ARSB: variants seen among roughly 807,000 people sequenced by gnomAD.
ARSB encodes N-acetylgalactosamine-4-sulfatase.
A neutral mutation model predicts 50.9 loss-of-function variants in ARSB; 41 were observed. The observed-to-expected ratio is 0.81, with a 90% CI of 0.63 to 1.04. ARSB has a LOEUF of 1.04. Ranked by LOEUF, ARSB falls within the 50% of genes least tolerant of loss-of-function variation. The probability of loss-of-function intolerance (pLI) is 0.00; values close to 1 mark genes in which losing one functional copy is unlikely to be tolerated. For missense variants in ARSB, 672 were observed against 693.3 expected, an observed-to-expected ratio of 0.97 and a Z score of 0.35; for synonymous variants, 269 against 284.8, an observed-to-expected ratio of 0.94 and a Z score of 0.56.
intron 5 of ARSB, among the ~76,000 whole-genome samples, chr5:78,864,580 C>G (rs539348974): frequency 5.3e-5 from 8 of 152,278 alleles, no homozygotes; most frequent in Admixed American, 5.2e-4. Context: ...CCTCCCAAAT[C>G]TCATGTCCTC....
intron 4 of ARSB, among the ~76,000 whole-genome samples, chr5:78,889,580 A>C (rs1327872126): frequency 6.6e-6 from 1 of 152,232 alleles, no homozygotes; most frequent in Non-Finnish European, 1.5e-5. Flanking sequence ...AAGAAATGTC[A>C]AAGTAAGACA....
intron 4 of ARSB, among the ~76,000 whole-genome samples, chr5:78,886,576 G>C (rs1010381836): frequency 2.0e-5 from 3 of 152,144 alleles, no homozygotes; most frequent in Non-Finnish European, 4.4e-5. Flanking sequence ...GAAGCTACTA[G>C]AGTAACTGAA....
In ARSB at chr5:78,799,297, C is replaced by T. The variant is rs74673491; in HGVS notation, c.1214-17323G>A. Among the ~76,000 whole-genome samples, 11 of 152,342 alleles carry T rather than the reference C, an allele frequency of 7.2e-5. No homozygotes were observed. In the East Asian group the frequency reaches 2.1e-3, roughly 29 times the overall value. ...TGAATTTGGCAGCTTGGTTATGAAG[C>T]TCAACAGACAGACATTCTGAGATTG... is the stretch of plus-strand genomic sequence containing the variant. On this transcript the variant is annotated intron_variant, in intron 6 of 7. Transcript: ENST00000264914.
chr5:78,813,065 T>C (rs767988504), intron 6 of ARSB, among the ~76,000 whole-genome samples: 2 of 151,852 alleles, frequency 1.3e-5, no homozygotes, highest in Non-Finnish European at 1.5e-5. Flanking sequence ...AGTAAATTTC[T>C]TCCTTCCTTC....
intron 5 of ARSB, among the ~76,000 whole-genome samples, chr5:78,871,577 A>G (rs530252628): frequency 2.0e-5 from 3 of 147,940 alleles, no homozygotes; most frequent in South Asian, 2.3e-4. Flanking sequence ...AGGATTCCCT[A>G]TTTAATAAAT....
At chr5:78,873,516 G>A (rs1439385873) in intron 5 of ARSB, among the ~76,000 whole-genome samples, 218 of 2,640 alleles carry the variant, frequency 0.083, no homozygotes, top group African/African-American at 0.11. Flanking sequence ...TTTTTTTTGA[G>A]ACGGAGTCTC....
At chr5:78,840,569 C>G (rs556195283) in intron 5 of ARSB, among the ~76,000 whole-genome samples, 10 of 152,224 alleles carry the variant, frequency 6.6e-5, no homozygotes, top group African/African-American at 1.9e-4. Context: ...ACTACCATCA[C>G]CATTATTTTA....
chr5:78,803,268 G>A (rs1274559753), intron 6 of ARSB, among the ~76,000 whole-genome samples: 2 of 152,078 alleles, frequency 1.3e-5, no homozygotes, highest in Admixed American at 6.5e-5. Flanking sequence ...TCTCCCTAAC[G>A]CACTCCCCTC....
chr5:78,937,837 A>G (rs1436559633), intron 4 of ARSB, among the ~76,000 whole-genome samples: 1 of 152,166 alleles, frequency 6.6e-6, no homozygotes, highest in Admixed American at 6.5e-5. Context: ...ACAGAAAACC[A>G]AAACAAATAT....
chr5:78,904,437 T>A (rs897167791), intron 4 of ARSB, among the ~76,000 whole-genome samples: 4 of 152,106 alleles, frequency 2.6e-5, no homozygotes, highest in African/African-American at 4.8e-5. Context: ...GTAGTTTTCT[T>A]TGAGTTTATC....
chr5:78,883,485 AC>A (rs1466907497), intron 5 of ARSB: 109 of 152,352 alleles, frequency 7.2e-4, no homozygotes, highest in African/African-American at 2.6e-3. Context: ...AAATAATATG[AC>A]TCATAAGAAC....
intron 4 of ARSB, among the ~76,000 whole-genome samples, chr5:78,910,557 T>G (rs1580048506): frequency 6.6e-6 from 1 of 152,150 alleles, no homozygotes; most frequent in Admixed American, 6.5e-5. Context: ...ATAAGAGAGA[T>G]ATGGATAGGT....
chr5:78,797,815 C>T (rs894878275), intron 6 of ARSB, among the ~76,000 whole-genome samples: 4 of 152,156 alleles, frequency 2.6e-5, no homozygotes, highest in African/African-American at 9.7e-5. Context: ...TCCACTTCTT[C>T]TGGCTGTATT....
intron 4 of ARSB, among the ~76,000 whole-genome samples, chr5:78,917,317 G>A (rs939392201): frequency 3.9e-5 from 6 of 152,092 alleles, no homozygotes; most frequent in East Asian, 1.9e-4. Context: ...ACAAAGGAAC[G>A]TCAACTCAAA....
At chr5:78,791,924 A>G (rs1749247810) in intron 6 of ARSB, among the ~76,000 whole-genome samples, 1 of 152,152 alleles carries the variant, frequency 6.6e-6, no homozygotes, top group Non-Finnish European at 1.5e-5. Flanking sequence ...GGTATGCCGT[A>G]TGCCAGGCGT....
chr5:78,796,812 C>T (rs1236637167), intron 6 of ARSB, among the ~76,000 whole-genome samples: 1 of 151,980 alleles, frequency 6.6e-6, no homozygotes, highest in Non-Finnish European at 1.5e-5. Context: ...CGCCACCATG[C>T]CCAGCTAATT....
At chr5:78,945,929 G>A (rs1027886401) in intron 4 of ARSB, among the ~76,000 whole-genome samples, 1 of 152,128 alleles carries the variant, frequency 6.6e-6, no homozygotes, top group Non-Finnish European at 1.5e-5. Context: ...CTTATTGTGT[G>A]CAGACAGCAC....
intron 6 of ARSB, among the ~76,000 whole-genome samples, chr5:78,831,731 C>T (rs1407268649): frequency 1.3e-5 from 2 of 152,152 alleles, no homozygotes; most frequent in Admixed American, 6.5e-5. Context: ...GAACAAACTG[C>T]CAAGGGGCCC....
upstream of ARSB, chr5:78,985,527 T>G: frequency 9.7e-5 from 24 of 247,298 alleles, no homozygotes; most frequent in East Asian, 1.6e-4. Context: ...GCCCGTTATC[T>G]TCCCCGGCAA....
Sources: allele counts gnomAD v4.1 joint callset (sites outside exome capture counted in the v4.1 genomes callset), GRCh38; gene constraint gnomAD v4.1.1; transcripts MANE v1.5; gene names NCBI Gene and HGNC (gene_info 2026-07-23, HGNC 2026-07-21).